FAM13A: variants seen among roughly 807,000 people sequenced by gnomAD.
The protein encoded by FAM13A is protein FAM13A.
In FAM13A, 76 loss-of-function variants were observed where a neutral mutation model predicts 129.6. The observed-to-expected ratio is 0.59, with a 90% CI of 0.49 to 0.71. The LOEUF is 0.71. Ranked by LOEUF, FAM13A falls within the 30% of genes least tolerant of loss-of-function variation. The pLI is 0.00. For synonymous variants in FAM13A, 443 were observed against 449.9 expected (o/e 0.98, Z 0.20); for missense variants, 1,108 against 1,249.3 (o/e 0.89, Z 1.70).
intron 8 of FAM13A, among the ~76,000 whole-genome samples, chr4:88,795,751 A>C (rs1561013862): frequency 2.6e-5 from 4 of 151,984 alleles, no homozygotes; most frequent in Admixed American, 2.6e-4. Context: ...GAATTAGGTT[A>C]CTAAAAGTGC....
At chr4:88,856,511 CAAAA>C (rs1738531113) in intron 6 of FAM13A, among the ~76,000 whole-genome samples, 1 of 151,850 alleles carries the variant, frequency 6.6e-6, no homozygotes, top group African/African-American at 2.4e-5. Context: ...AACAAATAAA[CAAAA>C]AACCAAAAAA....
chr4:88,836,696 T>C (rs1734859768), intron 7 of FAM13A, among the ~76,000 whole-genome samples: 1 of 152,176 alleles, frequency 6.6e-6, no homozygotes, highest in African/African-American at 2.4e-5. Flanking sequence ...CGGTGGCTCA[T>C]GCCTGTAAAT....
At chr4:88,927,831 C>A (rs1313040288) in intron 5 of FAM13A, among the ~76,000 whole-genome samples, 1 of 151,616 alleles carries the variant, frequency 6.6e-6, no homozygotes, top group Non-Finnish European at 1.5e-5. Context: ...TTCATTGGTC[C>A]TTTGTATTTT....
intron 4 of FAM13A, among the ~76,000 whole-genome samples, chr4:88,975,956 T>C (rs1280862822): frequency 6.6e-6 from 1 of 152,200 alleles, no homozygotes; most frequent in African/African-American, 2.4e-5. Flanking sequence ...ATATAATTTG[T>C]GGCCAATCAT....
intron 4 of FAM13A, among the ~76,000 whole-genome samples, chr4:88,954,068 A>G (rs1199395449): frequency 6.6e-6 from 1 of 152,236 alleles, no homozygotes; most frequent in Non-Finnish European, 1.5e-5. Context: ...CTGAAAAAAA[A>G]TAAATTGTTA....
intron 7 of FAM13A, among the ~76,000 whole-genome samples, chr4:88,815,738 G>A (rs1028648492): frequency 6.6e-6 from 1 of 152,038 alleles, no homozygotes; most frequent in Non-Finnish European, 1.5e-5. Context: ...GATATTGTGT[G>A]ACCTGAAAAT....
At chr4:88,808,117 T>C (rs1340721445) in intron 7 of FAM13A, among the ~76,000 whole-genome samples, 1 of 152,186 alleles carries the variant, frequency 6.6e-6, no homozygotes, top group East Asian at 1.9e-4. Flanking sequence ...AAAGCTTATT[T>C]CTATTTTCCC....
At chr4:88,780,168 G>A (rs1056478390) in intron 11 of FAM13A, among the ~76,000 whole-genome samples, 1 of 152,066 alleles carries the variant, frequency 6.6e-6, no homozygotes, top group African/African-American at 2.4e-5. Flanking sequence ...CAGAAACAAT[G>A]CATTGAGACA....
intron 6 of FAM13A, 80 bp downstream of exon 6, chr4:88,906,299 A>G (rs1388263037): frequency 2.0e-6 from 2 of 1,022,998 alleles, no homozygotes; most frequent in Admixed American, 4.2e-5. Flanking sequence ...AAACAAACAA[A>G]CAAACAAACA....
Position 88,733,051 on chromosome 4 carries a change from A to T in FAM13A, c.2647-853T>A, listed in dbSNP as rs546685082. On this transcript the variant is annotated intron_variant, in intron 21 of 23. Transcript: ENST00000264344. ...AGAGAATAACTTACTATCCTAAAAA[A>T]TTTAAAAATTGGTTCGGAATACAGC... 5.2e-4 allele frequency among the ~76,000 whole-genome samples: 79 copies of T among 152,300 alleles called. 1 individual carries two copies. The highest frequency in any genetic ancestry group is 1.8e-3 in the African/African-American group (76 of 41,552).
At chr4:88,869,593 T>C (rs1579039427) in intron 6 of FAM13A, among the ~76,000 whole-genome samples, 1 of 152,254 alleles carries the variant, frequency 6.6e-6, no homozygotes, top group South Asian at 2.1e-4. Context: ...CCTTGTTATA[T>C]ACTCTCAGGG....
chr4:88,954,897 A>AAG (rs1297001456), intron 4 of FAM13A, among the ~76,000 whole-genome samples: 5 of 151,952 alleles, frequency 3.3e-5, no homozygotes, highest in Middle Eastern at 3.2e-3. Flanking sequence ...AAAAAAAAAA[A>AAG]AAAGAAAAAA....
At chr4:89,016,615 G>A (rs994528195) in intron 3 of FAM13A, among the ~76,000 whole-genome samples, 2 of 151,994 alleles carry the variant, frequency 1.3e-5, no homozygotes, top group Admixed American at 6.6e-5. Context: ...ATATTTTTAC[G>A]TACCTTTTCT....
intron 3 of FAM13A, among the ~76,000 whole-genome samples, chr4:89,005,153 G>T (rs550093865): frequency 6.6e-6 from 1 of 152,104 alleles, no homozygotes; most frequent in Admixed American, 6.5e-5. Context: ...ACTTATAAGT[G>T]AGAACAAGCA....
At chr4:88,895,963 A>T (rs1746229637) in intron 6 of FAM13A, among the ~76,000 whole-genome samples, 1 of 148,302 alleles carries the variant, frequency 6.7e-6, no homozygotes, top group South Asian at 2.2e-4. Flanking sequence ...ATAAAGACAC[A>T]TGCACACGTA....
At chr4:88,742,762 A>G (rs1021452911) in intron 19 of FAM13A, among the ~76,000 whole-genome samples, 1 of 152,208 alleles carries the variant, frequency 6.6e-6, no homozygotes, top group Non-Finnish European at 1.5e-5. Context: ...GACATCTCTT[A>G]TTCTTGACTC....
At chr4:88,983,712 C>A (rs1473721195) in intron 4 of FAM13A, among the ~76,000 whole-genome samples, 4 of 152,056 alleles carry the variant, frequency 2.6e-5, no homozygotes, top group African/African-American at 9.7e-5. Flanking sequence ...GCTAAAATGG[C>A]AATAGAGTCC....
intron 8 of FAM13A, among the ~76,000 whole-genome samples, chr4:88,792,794 T>C (rs1475131221): frequency 6.6e-6 from 1 of 152,056 alleles, no homozygotes; most frequent in Admixed American, 6.6e-5. Context: ...TTTCCTCTCC[T>C]CCTTTCCACA....
intron 7 of FAM13A, among the ~76,000 whole-genome samples, chr4:88,827,893 A>C (rs1733284586): frequency 6.6e-6 from 1 of 152,138 alleles, no homozygotes; most frequent in African/African-American, 2.4e-5. Flanking sequence ...CAATCCTTTT[A>C]ATGTGATGAT....
Sources: allele counts gnomAD v4.1 joint callset (sites outside exome capture counted in the v4.1 genomes callset), GRCh38; gene constraint gnomAD v4.1.1; transcripts MANE v1.5; gene names NCBI Gene and HGNC (gene_info 2026-07-23, HGNC 2026-07-21).